Variants in FHIT observed in about 807,000 individuals in gnomAD.
The protein encoded by FHIT is bis(5'-adenosyl)-triphosphatase.
A neutral mutation model predicts 17.9 loss-of-function variants in FHIT; 19 were observed. The ratio of observed to expected loss-of-function variants is 1.06; its 90% CI spans 0.74 to 1.56. The LOEUF is 1.56. FHIT is among the 40% of genes most tolerant of loss of function. FHIT has a pLI of 0.00. For missense variants in FHIT, 248 were observed against 189.2 expected (o/e 1.31, Z -1.82); for synonymous variants, 81 against 69.7 (o/e 1.16, Z -0.81).
At chr3:60,957,233 C>CTTTTTTTTTTTTTT (rs35221092) in intron 3 of FHIT, among the ~76,000 whole-genome samples, 21 of 97,130 alleles carry the variant, frequency 2.2e-4, no homozygotes, top group South Asian at 3.9e-4. Flanking sequence ...TTCTTTCTTT[C>CTTTTTTTTTTTTTT]TTTTTTTTTT....
At chr3:60,490,153 A>G (rs1223446341) in intron 5 of FHIT, among the ~76,000 whole-genome samples, 1 of 152,204 alleles carries the variant, frequency 6.6e-6, no homozygotes, top group Non-Finnish European at 1.5e-5. Flanking sequence ...ATAAATATCC[A>G]TAATGTTTTT....
chr3:60,687,153 G>A (rs1559640316), intron 4 of FHIT, among the ~76,000 whole-genome samples: 1 of 152,148 alleles, frequency 6.6e-6, no homozygotes, highest in Non-Finnish European at 1.5e-5. Flanking sequence ...TGCTGCGTAA[G>A]CTCCTCCTAT....
chr3:59,862,789 C>T (rs80120862), intron 8 of FHIT, among the ~76,000 whole-genome samples: 46 of 152,236 alleles, frequency 3.0e-4, no homozygotes, highest in Non-Finnish European at 5.9e-4. Context: ...AGAGGGACTC[C>T]GTTTCACTGG....
At chr3:61,168,633 T>A (rs1022061810) in intron 2 of FHIT, among the ~76,000 whole-genome samples, 5 of 152,344 alleles carry the variant, frequency 3.3e-5, no homozygotes, top group Admixed American at 2.6e-4. Context: ...CACTCCTGCA[T>A]TCACTGGCTC....
chr3:59,870,053 G>T (rs999613352), intron 8 of FHIT, among the ~76,000 whole-genome samples: 19 of 152,060 alleles, frequency 1.2e-4, no homozygotes, highest in African/African-American at 4.3e-4. Context: ...TTGTATAGCT[G>T]GGGAAACTGA....
intron 5 of FHIT, among the ~76,000 whole-genome samples, chr3:60,053,732 T>C (rs1039227530): frequency 6.6e-6 from 1 of 152,158 alleles, no homozygotes; most frequent in Admixed American, 6.6e-5. Flanking sequence ...TAAGGCACTT[T>C]GGCTGTGCCT....
intron 3 of FHIT, among the ~76,000 whole-genome samples, chr3:61,038,488 T>A (rs1190774443): frequency 2.0e-5 from 3 of 152,188 alleles, no homozygotes; most frequent in Admixed American, 6.5e-5. Flanking sequence ...TTGAATTTGT[T>A]TGAATATGAA....
At chr3:60,947,792 A>G (rs1190637628) in intron 3 of FHIT, among the ~76,000 whole-genome samples, 1 of 152,190 alleles carries the variant, frequency 6.6e-6, no homozygotes, top group Non-Finnish European at 1.5e-5. Context: ...TATTTACTCA[A>G]CAGAAGAATT....
intron 8 of FHIT, among the ~76,000 whole-genome samples, chr3:59,855,618 C>T (rs1417289747): frequency 6.6e-6 from 1 of 151,958 alleles, no homozygotes; most frequent in Admixed American, 6.6e-5. Flanking sequence ...AATAAGGTGT[C>T]AATCTTAAGT....
At chr3:60,789,107 TATATGTATATATAG>T (rs1430576860) in intron 4 of FHIT, among the ~76,000 whole-genome samples, 9 of 118,316 alleles carry the variant, frequency 7.6e-5, no homozygotes, top group African/African-American at 3.6e-4. Context: ...GTTGAATATC[TATATGTATATATAG>T]ATATGTATAT....
intron 3 of FHIT, among the ~76,000 whole-genome samples, chr3:61,029,865 C>T (rs1467361437): frequency 6.6e-6 from 1 of 152,184 alleles, no homozygotes; most frequent in Non-Finnish European, 1.5e-5. Flanking sequence ...ATTAGTCTTC[C>T]AGAGCCTTGC....
intron 8 of FHIT, among the ~76,000 whole-genome samples, chr3:59,783,841 G>A (rs1009900355): frequency 6.6e-6 from 1 of 152,128 alleles, no homozygotes; most frequent in Non-Finnish European, 1.5e-5. Flanking sequence ...AGTGATGGGG[G>A]AAACTGAAAC....
intron 3 of FHIT, among the ~76,000 whole-genome samples, chr3:61,004,364 G>C (rs1419563328): frequency 2.0e-5 from 3 of 152,150 alleles, no homozygotes; most frequent in Non-Finnish European, 4.4e-5. Flanking sequence ...CTCCTCTTCT[G>C]TATTGGTAGG....
intron 5 of FHIT, among the ~76,000 whole-genome samples, chr3:60,337,846 GA>G (rs1292679219): frequency 6.6e-6 from 1 of 152,122 alleles, no homozygotes; most frequent in Non-Finnish European, 1.5e-5. Context: ...ATCCCATAAA[GA>G]AAACAGTTTG....
At chr3:60,663,160 A>ATATATATATATATATATATATATC (rs1553691630) in intron 4 of FHIT, among the ~76,000 whole-genome samples, 4 of 132,566 alleles carry the variant, frequency 3.0e-5, no homozygotes, top group East Asian at 2.2e-4. Flanking sequence ...GGAGATATAT[A>ATATATATATATATATATATATATC]TCTCTTTAAT....
chr3:61,162,788 G>T (rs896367344), intron 2 of FHIT, among the ~76,000 whole-genome samples: 9 of 152,028 alleles, frequency 5.9e-5, no homozygotes, highest in Non-Finnish European at 1.2e-4. Flanking sequence ...TTCTCTGGAG[G>T]TTCAATTAAT....
chr3:60,135,701 G>A (rs560564593), intron 5 of FHIT, among the ~76,000 whole-genome samples: 9 of 152,250 alleles, frequency 5.9e-5, no homozygotes, highest in Admixed American at 6.5e-5. Flanking sequence ...AGCAGCAGGA[G>A]CCTGCACAAC....
chr3:59,958,964 C>T (rs1707538341), intron 7 of FHIT, among the ~76,000 whole-genome samples: 1 of 152,146 alleles, frequency 6.6e-6, no homozygotes, highest in Non-Finnish European at 1.5e-5. Context: ...AAAAGCTGTA[C>T]CAGGGTGCTG....
chr3:60,624,959 A>G (rs1370681173), intron 4 of FHIT, among the ~76,000 whole-genome samples: 1 of 151,952 alleles, frequency 6.6e-6, no homozygotes, highest in Non-Finnish European at 1.5e-5. Context: ...CTCAGGCTGG[A>G]GTACAATGGC....
Sources: gnomAD v4.1 joint callset for allele counts (sites outside exome capture counted in the v4.1 genomes callset) on GRCh38, gnomAD v4.1.1 for gene constraint, MANE v1.5 for transcripts, NCBI Gene and HGNC (gene_info 2026-07-23, HGNC 2026-07-21) for gene names.